Variants in ANKRD62 observed in about 807,000 individuals in gnomAD.
The protein encoded by ANKRD62 is ankyrin repeat domain-containing protein 62.
A neutral mutation model predicts 98.8 loss-of-function variants in ANKRD62; 61 were observed. The ratio of observed to expected loss-of-function variants is 0.62; its 90% CI spans 0.50 to 0.76. The LOEUF (loss-of-function observed/expected upper bound fraction) is 0.76, where lower values mean the gene tolerates loss of function less well. Ranked by LOEUF, ANKRD62 falls within the 30% of genes least tolerant of loss-of-function variation. The probability of loss-of-function intolerance (pLI) is 0.00; values close to 1 mark genes in which losing one functional copy is unlikely to be tolerated. For missense variants in ANKRD62, 933 were observed against 1,082.9 expected (o/e 0.86, Z 1.94); for synonymous variants, 341 against 367.9 (o/e 0.93, Z 0.84).
the ANKRD62 span, among the ~76,000 whole-genome samples, chr18:12,140,505 T>G: frequency 6.6e-6 from 1 of 152,226 alleles, no homozygotes; most frequent in Non-Finnish European, 1.5e-5. Context: ...TTGACGATGG[T>G]GACGTACAGA....
chr18:12,151,719 C>T, the ANKRD62 span, among the ~76,000 whole-genome samples: 2 of 152,182 alleles, frequency 1.3e-5, no homozygotes, highest in Non-Finnish European at 2.9e-5. Context: ...AACGTCAGAG[C>T]TTAACTGAAG....
chr18:12,163,544 T>C, the ANKRD62 span, among the ~76,000 whole-genome samples: 1 of 152,168 alleles, frequency 6.6e-6, no homozygotes, highest in African/African-American at 2.4e-5. Context: ...TCCAGTAGTA[T>C]CTTGAATAAC....
At chr18:12,131,656 A>G (rs1215914142), downstream of ANKRD62, among the ~76,000 whole-genome samples, 1 of 152,146 alleles carries the variant, frequency 6.6e-6, no homozygotes, top group Non-Finnish European at 1.5e-5. Context: ...TGCTAGACTC[A>G]TGTATCAAGC....
At chr18:12,157,481 A>G in the ANKRD62 span, among the ~76,000 whole-genome samples, 1 of 151,946 alleles carries the variant, frequency 6.6e-6, no homozygotes, top group East Asian at 1.9e-4. Context: ...TGCCTTGCCA[A>G]TTTTGTTCTT....
At chr18:12,174,164 A>G in the ANKRD62 span, among the ~76,000 whole-genome samples, 1 of 152,016 alleles carries the variant, frequency 6.6e-6, no homozygotes, top group Non-Finnish European at 1.5e-5. Context: ...ATGTAATCCC[A>G]TATTTCTCAG....
At chr18:12,136,125 A>G in the ANKRD62 span, among the ~76,000 whole-genome samples, 3 of 152,062 alleles carry the variant, frequency 2.0e-5, no homozygotes, top group Non-Finnish European at 4.4e-5. Context: ...GCCCATGCCT[A>G]TGTCCTGAAT....
At chr18:12,170,549 A>T in the ANKRD62 span, among the ~76,000 whole-genome samples, 1 of 152,190 alleles carries the variant, frequency 6.6e-6, no homozygotes, top group African/African-American at 2.4e-5. Context: ...TTTACTTCCA[A>T]CTATGTGGTC....
At chr18:12,107,515 T>C (rs1435505843) in intron 8 of ANKRD62, 48 bp downstream of exon 8, 6 of 1,289,524 alleles carry the variant, frequency 4.7e-6, no homozygotes, top group Admixed American at 3.6e-5. Context: ...AATTGTACTA[T>C]AAAATGAATT....
At chr18:12,107,592 G>A (rs1909443229) in intron 8 of ANKRD62, 125 bp downstream of exon 8, 2 of 718,774 alleles carry the variant, frequency 2.8e-6, no homozygotes, top group African/African-American at 1.8e-5. Context: ...TGCCTTGCCT[G>A]GTAATCATAA....
At chr18:12,104,031 A>G (rs920890090) in intron 7 of ANKRD62, among the ~76,000 whole-genome samples, 1 of 152,076 alleles carries the variant, frequency 6.6e-6, no homozygotes, top group Non-Finnish European at 1.5e-5. Flanking sequence ...CCGGTTAGTA[A>G]TCTTTGGAAA....
chr18:12,111,345 T>C (rs1909534511), intron 8 of ANKRD62, among the ~76,000 whole-genome samples: 2 of 152,144 alleles, frequency 1.3e-5, no homozygotes, highest in African/African-American at 4.8e-5. Context: ...TTCAGAAATG[T>C]CTTTTGATGA....
intron 10 of ANKRD62, among the ~76,000 whole-genome samples, chr18:12,120,507 C>A (rs72879179): frequency 1.1e-3 from 164 of 152,256 alleles, no homozygotes; most frequent in Non-Finnish European, 2.0e-3. Context: ...ATTCTTGCAG[C>A]CGATTTGTGT....
the ANKRD62 span, among the ~76,000 whole-genome samples, chr18:12,178,156 C>T: frequency 6.6e-6 from 1 of 151,466 alleles, no homozygotes; most frequent in African/African-American, 2.4e-5. Flanking sequence ...AGGAGAGCTT[C>T]CTGGAGAAAG....
chr18:12,129,957 C>T (rs569824154), downstream of ANKRD62, among the ~76,000 whole-genome samples: 6 of 152,052 alleles, frequency 3.9e-5, no homozygotes, highest in Middle Eastern at 3.2e-3. Context: ...GCAGAATCAA[C>T]GCACAGAGAT....
chr18:12,181,238 G>C, the ANKRD62 span, among the ~76,000 whole-genome samples: 5 of 151,924 alleles, frequency 3.3e-5, no homozygotes, highest in Admixed American at 6.6e-5. Flanking sequence ...ACCATAAATT[G>C]TGACCAATAT....
the ANKRD62 span, among the ~76,000 whole-genome samples, chr18:12,139,384 C>T: frequency 1.3e-5 from 2 of 152,218 alleles, no homozygotes; most frequent in African/African-American, 2.4e-5. Flanking sequence ...GTGGCTCATG[C>T]CTGTAATCAC....
chr18:12,123,936 G>A lies in ANKRD62; in HGVS notation c.1455-201G>A, dbSNP rs1301722737. Among the ~76,000 whole-genome samples the A allele has an allele frequency of 2.0e-5, 3 of 152,204 alleles. No homozygotes were observed. In the East Asian group the frequency reaches 5.8e-4, roughly 29 times the overall value. On this transcript the variant is annotated intron_variant, in intron 11 of 13. Transcript: ENST00000587848. ...ATATTTACGAGAATTACTAGTAACA[G>A]AAGCTAATCAATTAGCAGGATGTTC...
At chr18:12,140,160 T>C in the ANKRD62 span, among the ~76,000 whole-genome samples, 2 of 152,244 alleles carry the variant, frequency 1.3e-5, no homozygotes, top group East Asian at 3.8e-4. Flanking sequence ...GCTTGTGCAT[T>C]CATCACGTAG....
the ANKRD62 span, among the ~76,000 whole-genome samples, chr18:12,167,198 C>A: frequency 6.6e-6 from 1 of 151,956 alleles, no homozygotes; most frequent in East Asian, 1.9e-4. Flanking sequence ...AGGTTTGTTA[C>A]GTATGTATAC....
Sources: gnomAD v4.1 joint callset for allele counts (sites outside exome capture counted in the v4.1 genomes callset) on GRCh38, gnomAD v4.1.1 for gene constraint, MANE v1.5 for transcripts, NCBI Gene and HGNC (gene_info 2026-07-23, HGNC 2026-07-21) for gene names.